The following FBXO34 variants were observed in gnomAD, a reference collection of about 807,000 sequenced individuals.
FBXO34 encodes F-box protein 34.
Under a neutral mutation model 24.5 loss-of-function variants are expected in FBXO34, and 12 were observed. The ratio of observed to expected loss-of-function variants is 0.49; its 90% CI spans 0.31 to 0.79. FBXO34 has a LOEUF of 0.79. FBXO34 is among the 30% of genes least tolerant of loss of function. The pLI is 0.04. For missense variants in FBXO34, 823 were observed against 857.7 expected (o/e 0.96, Z 0.51); for synonymous variants, 320 against 311.9 (o/e 1.03, Z -0.27).
the FBXO34 span, chr14:55,440,474 T>TG: frequency 1.3e-6 from 2 of 1,576,620 alleles, no homozygotes; most frequent in African/African-American, 1.4e-5. Context: ...CTGTTGGGGG[T>TG]GGGGGCGGGT....
chr14:55,424,007 T>A, the FBXO34 span: 54,688 of 565,374 alleles, frequency 0.097, 2,789 homozygotes, highest in East Asian at 0.11. Flanking sequence ...CTGGGACCTA[T>A]GGGTGATGTT....
rs1447452879 is a variant in FBXO34 at position 55,341,175 on chromosome 14, A to G, written c.-10-9206A>G. ...CAGGATAGGGGTCAGTTGAAGGTAA[A>G]CTACTAAGAGGAAACATTTGGAGTA... On this transcript the variant is annotated intron_variant, in intron 1 of 1. Coordinates refer to ENST00000313833, the MANE Select transcript of FBXO34 (RefSeq NM_017943.4). Among the ~76,000 whole-genome samples the G allele has an allele frequency of 4.6e-5, 7 of 152,194 alleles. No homozygotes were observed. The South Asian group carries it at 8.3e-4, about 18-fold the overall frequency.
chr14:55,371,758 G>T (rs1432057069), downstream of FBXO34, among the ~76,000 whole-genome samples: 1 of 151,762 alleles, frequency 6.6e-6, no homozygotes, highest in Non-Finnish European at 1.5e-5. Flanking sequence ...GAGCCGAGAT[G>T]GCGCCAGTGC....
At chr14:55,408,011 G>A in the FBXO34 span, among the ~76,000 whole-genome samples, 3 of 152,136 alleles carry the variant, frequency 2.0e-5, no homozygotes, top group Non-Finnish European at 2.9e-5. Flanking sequence ...TGAAAAAGAG[G>A]GAGCACAAGG....
the FBXO34 span, among the ~76,000 whole-genome samples, chr14:55,430,305 T>C: frequency 6.6e-6 from 1 of 151,682 alleles, no homozygotes; most frequent in East Asian, 1.9e-4. Context: ...TTGATTCTCT[T>C]ATCCAGATCC....
the FBXO34 span, among the ~76,000 whole-genome samples, chr14:55,434,446 A>G: frequency 2.6e-5 from 4 of 152,128 alleles, no homozygotes; most frequent in Admixed American, 1.3e-4. Flanking sequence ...CGGTTAAGCT[A>G]GGAAGGAAAC....
At chr14:55,423,040 T>C in the FBXO34 span, among the ~76,000 whole-genome samples, 12 of 152,206 alleles carry the variant, frequency 7.9e-5, no homozygotes. Flanking sequence ...AATAGTATTA[T>C]AGTAAACTCA....
At chr14:55,435,992 A>AG in the FBXO34 span, 1 of 1,151,690 alleles carries the variant, frequency 8.7e-7, no homozygotes, top group African/African-American at 1.6e-5. Flanking sequence ...AAAAAAAAAA[A>AG]AGACAACTTA....
downstream of FBXO34, among the ~76,000 whole-genome samples, chr14:55,356,563 T>C (rs538714246): frequency 2.2e-3 from 330 of 152,300 alleles, 1 homozygote; most frequent in Non-Finnish European, 3.7e-3. Context: ...TTCTTCTGCC[T>C]TAGCCTCCCG....
the FBXO34 span, chr14:55,411,823 G>A: frequency 6.3e-7 from 1 of 1,588,116 alleles, no homozygotes; most frequent in Non-Finnish European, 8.6e-7. Context: ...GAGACGCCAT[G>A]ATGGCCTGAG....
chr14:55,399,378 T>C, the FBXO34 span, among the ~76,000 whole-genome samples: 1 of 152,218 alleles, frequency 6.6e-6, no homozygotes, highest in Non-Finnish European at 1.5e-5. Flanking sequence ...ATTCCCATCA[T>C]TGTGGAAAGT....
chr14:55,299,250 T>TG, intron 1 of FBXO34: 1 of 817,978 alleles, frequency 1.2e-6, no homozygotes. Context: ...ATGAAGGATT[T>TG]GGAGAACTGG....
At chr14:55,411,607 C>A in the FBXO34 span, 1 of 1,607,592 alleles carries the variant, frequency 6.2e-7, no homozygotes, top group African/African-American at 1.3e-5. Flanking sequence ...CGTACCTCTC[C>A]CGGTCGCGGC....
chr14:55,351,862 TGTC>T lies in FBXO34; in HGVS notation c.1473_1475del (p.Ser492del). 1 of 1,614,154 alleles carries T rather than the reference TGTC, an allele frequency of 6.2e-7. No homozygotes were observed. The highest frequency in any genetic ancestry group is 8.5e-7 in the Non-Finnish European group (1 of 1,180,018). ...TTTTTTTTGCCACCTGGTCAGCACT[TGTC>T]AGACTATTCCCAGTTGAATGAAAGC... is the stretch of plus-strand genomic sequence containing the variant. On this transcript the variant is annotated inframe_deletion, in exon 2 of 2. Coordinates refer to ENST00000313833, the MANE Select transcript of FBXO34 (RefSeq NM_017943.4).
At chr14:55,310,790 C>G (rs1882710232) in intron 1 of FBXO34, among the ~76,000 whole-genome samples, 1 of 152,164 alleles carries the variant, frequency 6.6e-6, no homozygotes, top group Non-Finnish European at 1.5e-5. Context: ...CCTCAATTCT[C>G]TTTGCTAAGC....
intron 1 of FBXO34, among the ~76,000 whole-genome samples, chr14:55,277,764 C>T (rs1163645811): frequency 6.6e-6 from 1 of 152,122 alleles, no homozygotes; most frequent in Non-Finnish European, 1.5e-5. Flanking sequence ...CTATCCAAGT[C>T]GTGCCTACAT....
chr14:55,382,127 C>G, the FBXO34 span: 1 of 1,614,116 alleles, frequency 6.2e-7, no homozygotes, highest in Non-Finnish European at 8.5e-7. Context: ...CGGGCTTCAG[C>G]AAGCTTGCTC....
the FBXO34 span, among the ~76,000 whole-genome samples, chr14:55,376,689 T>A: frequency 6.6e-6 from 1 of 152,152 alleles, no homozygotes; most frequent in Admixed American, 6.5e-5. Flanking sequence ...TGGGTTTCAG[T>A]AGATGGATGA....
chr14:55,277,676 T>G (rs892141601), intron 1 of FBXO34, among the ~76,000 whole-genome samples: 1 of 152,174 alleles, frequency 6.6e-6, no homozygotes, highest in African/African-American at 2.4e-5. Flanking sequence ...TGAAGAGAGA[T>G]AAGTAAATGT....
Sources: gnomAD v4.1 joint callset for allele counts (sites outside exome capture counted in the v4.1 genomes callset) on GRCh38, gnomAD v4.1.1 for gene constraint, MANE v1.5 for transcripts, NCBI Gene and HGNC (gene_info 2026-07-23, HGNC 2026-07-21) for gene names.